The following NUP210L variants were observed in gnomAD, a reference collection of about 807,000 sequenced individuals.
The protein encoded by NUP210L is nucleoporin 210 like.
Under a neutral mutation model 208.5 loss-of-function variants are expected in NUP210L, and 74 were observed. The ratio of observed to expected loss-of-function variants is 0.35; its 90% CI spans 0.29 to 0.43. The LOEUF (loss-of-function observed/expected upper bound fraction) is 0.43, where lower values mean the gene tolerates loss of function less well. Ranked by LOEUF, NUP210L falls within the 20% of genes least tolerant of loss-of-function variation. The pLI is 1.00. For synonymous variants in NUP210L, 780 were observed against 816.9 expected, an observed-to-expected ratio of 0.95 and a Z score of 0.77; for missense variants, 1,843 against 2,289.4, an observed-to-expected ratio of 0.81 and a Z score of 3.98.
At chr1:154,018,015 AG>A (rs1429206578) in intron 33 of NUP210L, among the ~76,000 whole-genome samples, 1 of 150,772 alleles carries the variant, frequency 6.6e-6, no homozygotes, top group Admixed American at 6.6e-5. Context: ...TCTGTTGCCC[AG>A]GCTGGAGTAC....
chr1:154,018,060 C>T (rs1651360070), intron 33 of NUP210L, among the ~76,000 whole-genome samples: 1 of 151,808 alleles, frequency 6.6e-6, no homozygotes, highest in African/African-American at 2.4e-5. Flanking sequence ...CAACCTCCAC[C>T]TCCCAGGTTC....
intron 7 of NUP210L, among the ~76,000 whole-genome samples, chr1:154,134,534 G>A (rs1658425359): frequency 6.7e-6 from 1 of 149,408 alleles, no homozygotes; most frequent in Non-Finnish European, 1.5e-5. Context: ...TCAGGAGATC[G>A]AGACCATCCT....
chr1:154,130,321 A>G (rs1222663451), intron 7 of NUP210L, among the ~76,000 whole-genome samples: 1 of 151,432 alleles, frequency 6.6e-6, no homozygotes, highest in Non-Finnish European at 1.5e-5. Flanking sequence ...CACCCAGGCT[A>G]GAGTGCAACA....
exon 11 of NUP210L, chr1:154,118,682 A>G (rs2148099285): frequency 6.3e-7 from 1 of 1,593,494 alleles, no homozygotes; most frequent in Non-Finnish European, 8.6e-7. Context: ...TGTACTTTAT[A>G]ACGATATAAC....
chr1:154,040,282 T>C (rs1266359445), intron 27 of NUP210L, among the ~76,000 whole-genome samples: 1 of 151,966 alleles, frequency 6.6e-6, no homozygotes, highest in Non-Finnish European at 1.5e-5. Flanking sequence ...GTACACCCTG[T>C]AATCCCAGCT....
At position 154,108,424 on chromosome 1, in the gene NUP210L, T is replaced by A. The variant is rs888842036; in HGVS notation, c.1621-4214A>T. Among the ~76,000 whole-genome samples the A allele has an allele frequency of 2.7e-4, 41 of 152,158 alleles. 1 individual carries two copies. The highest frequency in any genetic ancestry group is 9.9e-4 in the African/African-American group (41 of 41,424). On this transcript the variant is annotated intron_variant, in intron 12 of 39. Transcript: ENST00000368559. ...CTAAGGTTATCCACCCACCTCGGCA[T>A]CCCAAAGTGCTGGGATTACAGGCAT...
chr1:154,114,780 G>A (rs879741239), intron 12 of NUP210L, among the ~76,000 whole-genome samples: 12 of 34,994 alleles, frequency 3.4e-4, no homozygotes, highest in African/African-American at 1.2e-3. Context: ...TTAAGAGATG[G>A]GGGGGGGGGT....
chr1:154,013,937 G>A (rs1004103978), intron 33 of NUP210L, among the ~76,000 whole-genome samples: 1 of 151,936 alleles, frequency 6.6e-6, no homozygotes, highest in Non-Finnish European at 1.5e-5. Context: ...GCTGATTTTT[G>A]TATCTTTAGT....
At chr1:153,998,463 G>A (rs139810188) in intron 37 of NUP210L, among the ~76,000 whole-genome samples, 63 of 151,368 alleles carry the variant, frequency 4.2e-4, no homozygotes, top group African/African-American at 1.4e-3. Context: ...GCTGAGGGAG[G>A]AGAATTGCTT....
At chr1:153,993,152 A>C (rs577465043) in intron 38 of NUP210L, 63 bp from the exon 39 acceptor site, 11 of 1,064,930 alleles carry the variant, frequency 1.0e-5, no homozygotes, top group Non-Finnish European at 1.4e-5. Flanking sequence ...GGCAAAGTCA[A>C]CTCTAGAATG....
chr1:154,072,625 C>G (rs1053399131), intron 16 of NUP210L, among the ~76,000 whole-genome samples: 2 of 152,050 alleles, frequency 1.3e-5, no homozygotes, highest in African/African-American at 4.8e-5. Context: ...AGCCACCGCG[C>G]CTGGCAATTA....
intron 7 of NUP210L, among the ~76,000 whole-genome samples, chr1:154,131,305 G>A (rs1216724355): frequency 6.6e-6 from 1 of 150,938 alleles, no homozygotes; most frequent in Non-Finnish European, 1.5e-5. Flanking sequence ...AGAGCTAGAA[G>A]GAAAGTCAGC....
At chr1:154,060,868 A>C in intron 19 of NUP210L, 74 bp downstream of exon 19, 3 of 1,065,568 alleles carry the variant, frequency 2.8e-6, no homozygotes, top group Middle Eastern at 2.1e-4. Flanking sequence ...TAAGTTTTTT[A>C]ATTGTTATGC....
intron 23 of NUP210L, 93 bp downstream of exon 23, chr1:154,056,718 CCAGT>C: frequency 7.8e-7 from 1 of 1,279,006 alleles, no homozygotes. Context: ...CTGTGCCCAG[CCAGT>C]CAAATGATTT....
chr1:154,154,337 C>T (rs899647073), intron 1 of NUP210L, among the ~76,000 whole-genome samples: 2 of 152,072 alleles, frequency 1.3e-5, no homozygotes, highest in African/African-American at 4.8e-5. Flanking sequence ...TTAGTTAACC[C>T]CCAATACTTG....
chr1:154,152,862 G>C (rs536230298), exon 2 of NUP210L: 1 of 1,613,964 alleles, frequency 6.2e-7, no homozygotes, highest in South Asian at 1.1e-5. Flanking sequence ...GCATCATGAT[G>C]GGTGGAATGC....
At chr1:154,128,844 C>G (rs1658113042) in intron 8 of NUP210L, among the ~76,000 whole-genome samples, 1 of 152,150 alleles carries the variant, frequency 6.6e-6, no homozygotes, top group Non-Finnish European at 1.5e-5. Flanking sequence ...AAGACCCTGT[C>G]TCAAACAAAA....
intron 2 of NUP210L, among the ~76,000 whole-genome samples, chr1:154,145,486 G>A (rs1001597531): frequency 3.3e-5 from 5 of 151,878 alleles, no homozygotes; most frequent in Admixed American, 3.3e-4. Context: ...CAGGTAAATG[G>A]CCCTCAACAA....
At chr1:153,995,289 TC>T (rs1649774824) in intron 37 of NUP210L, 109 bp from the exon 38 acceptor site, 2 of 744,986 alleles carry the variant, frequency 2.7e-6, no homozygotes, top group Non-Finnish European at 4.5e-6. Context: ...TCTCACTCTG[TC>T]CCCCAGGCTG....
Sources: allele counts gnomAD v4.1 joint callset (sites outside exome capture counted in the v4.1 genomes callset), GRCh38; gene constraint gnomAD v4.1.1; transcripts MANE v1.5; gene names NCBI Gene and HGNC (gene_info 2026-07-23, HGNC 2026-07-21).